Variants in AKTIP observed in about 807,000 individuals in gnomAD.
AKTIP encodes AKT interacting protein, also known as AKT-interacting protein.
In AKTIP, 16 loss-of-function variants were observed where a neutral mutation model predicts 39.1. The ratio of observed to expected loss-of-function variants is 0.41; its 90% CI spans 0.28 to 0.62. AKTIP has a LOEUF of 0.62. Ranked by LOEUF, AKTIP falls within the 20% of genes least tolerant of loss-of-function variation. The pLI is 0.32. For missense variants in AKTIP, 262 were observed against 356.6 expected (o/e 0.73, Z 2.14); for synonymous variants, 93 against 124.3 (o/e 0.75, Z 1.67).
At chr16:53,495,659 C>T (rs1289932073) in intron 3 of AKTIP, among the ~76,000 whole-genome samples, 2 of 152,176 alleles carry the variant, frequency 1.3e-5, no homozygotes, top group Non-Finnish European at 2.9e-5. Context: ...ATCTTGGAAA[C>T]CAGCCTATAG....
chr16:53,494,323 A>T lies in AKTIP; in HGVS notation c.602+16T>A. The stretch of plus-strand genomic sequence containing the variant: ...TCTTCAAATTTATTTTAAATAACAA[A>T]GCAAAAGTTACATACAGTACTGCAG... On this transcript the variant is annotated intron_variant, in intron 7 of 9. Transcript: ENST00000394657. 1 of 1,613,538 alleles carries T rather than the reference A, an allele frequency of 6.2e-7. No homozygotes were observed. Among genetic ancestry groups the T allele is most frequent in the Non-Finnish European group, 8.5e-7 (1 of 1,179,632 alleles).
At chr16:53,494,783 C>A in intron 5 of AKTIP, 178 bp from the exon 6 acceptor site, 1 of 722,636 alleles carries the variant, frequency 1.4e-6, no homozygotes. Flanking sequence ...CTAAATTTTG[C>A]AATGAAGCGG....
intron 1 of AKTIP, 150 bp from the exon 2 acceptor site, chr16:53,500,479 G>A (rs1210581317): frequency 4.9e-6 from 2 of 408,186 alleles, no homozygotes; most frequent in Non-Finnish European, 8.6e-6. Flanking sequence ...CTGGGTTCAA[G>A]CGATTCTCCT....
At chr16:53,496,646 AAC>A (rs926999438) in intron 3 of AKTIP, among the ~76,000 whole-genome samples, 2 of 152,112 alleles carry the variant, frequency 1.3e-5, no homozygotes, top group Admixed American at 6.5e-5. Flanking sequence ...CAGCCTAGCC[AAC>A]ATGGTGAAAT....
Position 53,491,932 on chromosome 16 carries a change from A to G in AKTIP, c.*480T>C, listed in dbSNP as rs770534841. The G allele has an allele frequency of 2.0e-5, 3 of 152,872 alleles. No individual in the cohort carries two copies. The highest frequency in any genetic ancestry group is 4.4e-5 in the Non-Finnish European group (3 of 68,284). The allele number at this position is 152,872 out of a possible 1,614,324, so 9.5% of individuals were successfully genotyped here. ...ATTTCAGTTTGTAAATCAGTAAGAC[A>G]GTGCAGGCTACAAATCAGTGCAGGC... On this transcript the variant is annotated 3_prime_UTR_variant, in exon 10 of 10. Transcript: ENST00000394657.
chr16:53,503,387 T>C (rs1962310015), upstream of AKTIP: 1 of 152,338 alleles, frequency 6.6e-6, no homozygotes, highest in Non-Finnish European at 1.5e-5. Context: ...AAGACGTTCT[T>C]CCGGGGGCGT....
chr16:53,502,143 C>T (rs1002229105), intron 1 of AKTIP, among the ~76,000 whole-genome samples: 1 of 152,176 alleles, frequency 6.6e-6, no homozygotes, highest in African/African-American at 2.4e-5. Flanking sequence ...AATTTTGTCC[C>T]CAGTTCTGCC....
chr16:53,503,521 G>A (rs921932497), upstream of AKTIP, among the ~76,000 whole-genome samples: 1 of 152,338 alleles, frequency 6.6e-6, no homozygotes, highest in East Asian at 1.9e-4. Flanking sequence ...CGGCCCCCCG[G>A]GGAGGGATGG....
chr16:53,501,381 G>A (rs1962161728), intron 1 of AKTIP: 2 of 152,144 alleles, frequency 1.3e-5, no homozygotes, highest in Admixed American at 1.3e-4. Flanking sequence ...TTCAAGTCGT[G>A]GATAAGAAAG....
chr16:53,503,977 G>C (rs1283184843), upstream of AKTIP, among the ~76,000 whole-genome samples: 1 of 151,864 alleles, frequency 6.6e-6, no homozygotes, highest in Non-Finnish European at 1.5e-5. Context: ...GCCGGGGGCT[G>C]GGGGGAGGGG....
Position 53,494,436 on chromosome 16 carries a change from G to A in AKTIP, c.505C>T (p.Arg169Trp). The change falls in exon 7 of 10, where the codon CGG (arginine) becomes TGG (tryptophan). Residue 169 changes from arginine to tryptophan, a missense_variant and splice_region_variant. By Grantham distance (101) the Arg-to-Trp change is moderately radical. This residue lies in a region of AKTIP where 145 missense variants were observed against 159.3 expected (regional missense o/e 0.91). Transcript: ENST00000394657. ...ACCTGCCAAATATGATTATGGTTCC[G>A]CCTAAAGGGAAACATGGCGTGATTA... ...DVKRAFAKWR[R>W]NHNHIWQVLM... 1.2e-6 allele frequency: 2 copies of A among 1,613,942 alleles called. No homozygotes were observed. The highest frequency in any genetic ancestry group is 2.2e-5 in the East Asian group (1 of 44,882).
chr16:53,494,207 A>T lies in AKTIP; in HGVS notation c.641T>A (p.Val214Asp), dbSNP rs767578006. The T allele has an allele frequency of 6.2e-7, 1 of 1,614,246 alleles. No individual in the cohort carries two copies. Among genetic ancestry groups the T allele is most frequent in the African/African-American group, 1.3e-5 (1 of 75,068 alleles). ...KDIQLFKSKV[V>D]DSVKVCTARL... is the part of the protein sequence containing the mutation. ...AGCAGTGCACACCTTAACACTGTCA[A>T]CAACTTTACTTTTAAAAAGCTGAAT... The change falls in exon 8 of 10, where the codon GTT becomes GAT. Residue 214 changes from valine to aspartate, a missense_variant. Around this residue, in one of 4 missense-constraint regions of AKTIP, gnomAD observed 145 missense variants for 159.3 expected, o/e 0.91. Coordinates refer to ENST00000394657, the MANE Select transcript of AKTIP (RefSeq NM_022476.4).
chr16:53,498,886 T>C (rs1238434357), intron 2 of AKTIP, among the ~76,000 whole-genome samples: 1 of 152,212 alleles, frequency 6.6e-6, no homozygotes, highest in Non-Finnish European at 1.5e-5. Flanking sequence ...GAAATGTTTT[T>C]TCCTAGTGGC....
chr16:53,492,820 G>T, intron 8 of AKTIP, 67 bp from the exon 9 acceptor site: 1 of 1,411,520 alleles, frequency 7.1e-7, no homozygotes, highest in Non-Finnish European at 9.9e-7. Flanking sequence ...CATTCATTTT[G>T]CAGTTTTAAG....
chr16:53,491,110 G>A lies in AKTIP; in HGVS notation c.*1302C>T, dbSNP rs1209881572. On this transcript the variant is annotated 3_prime_UTR_variant, in exon 10 of 10. Coordinates refer to ENST00000394657, the MANE Select transcript of AKTIP (RefSeq NM_022476.4). ...GTTAAAACCCCTATAGCCACCTTTTGGGAATGTTTTAAATTCTCCAGTTTT... is the reference window on the plus strand; with the variant it reads ...GTTAAAACCCCTATAGCCACCTTTTAGGAATGTTTTAAATTCTCCAGTTTT... The A allele has an allele frequency of 6.6e-6, 1 of 152,410 alleles. No individual in the cohort carries two copies. The highest frequency in any genetic ancestry group is 2.4e-5 in the African/African-American group (1 of 41,364). 9.4% of individuals were successfully genotyped at this position (152,410 alleles called of 1,614,324 possible). A position where few individuals can be genotyped will look rare whatever the true frequency, so the allele number is the denominator to read the frequency against.
chr16:53,495,088 T>C lies in AKTIP; in HGVS notation c.399A>G (p.Pro133=). The C allele has an allele frequency of 6.2e-7, 1 of 1,614,008 alleles. No individual in the cohort carries two copies. The highest frequency in any genetic ancestry group is 1.1e-5 in the South Asian group (1 of 91,084). Residue 133 remains proline, a synonymous_variant, in exon 5 of 10, where the codon CCA becomes CCG. Transcript: ENST00000394657. ...TCCAACTTACTGGACAGTCACCATC[T>C]GGATAGTTATCAGGGATGTAAACTG... ...KFTVYIPDNY[P]DGDCPRLVFD...
At chr16:53,499,654 G>C (rs939578890) in intron 2 of AKTIP, among the ~76,000 whole-genome samples, 4 of 151,982 alleles carry the variant, frequency 2.6e-5, no homozygotes, top group African/African-American at 9.6e-5. Context: ...TAGAGACGGG[G>C]TTTCACCATG....
upstream of AKTIP, among the ~76,000 whole-genome samples, chr16:53,503,724 T>A (rs1962325428): frequency 1.3e-5 from 2 of 152,144 alleles, no homozygotes; most frequent in East Asian, 1.9e-4. Context: ...CTCCCATCGC[T>A]AGGTCCTACT....
rs1224118879 is a variant in AKTIP, at chr16:53,492,466, T to C, written c.825A>G (p.Val275=). 3.1e-6 allele frequency: 5 copies of C among 1,613,638 alleles called. No individual in the cohort carries two copies. The highest frequency in any genetic ancestry group is 4.2e-6 in the Non-Finnish European group (5 of 1,180,022). Residue 275 remains valine (V), a synonymous_variant, in exon 10 of 10, where the codon GTA becomes GTG. Coordinates refer to ENST00000394657, the MANE Select transcript of AKTIP (RefSeq NM_022476.4). The part of the protein sequence containing the change: ...KSVHVAGLSW[V]KPGSVQPFSK... Reference sequence around the variant, plus strand: ...TGAAAGGCTGTACTGAGCCAGGCTTTACCCATGACAGGCCAGCAACATGAA... The same window carrying C: ...TGAAAGGCTGTACTGAGCCAGGCTTCACCCATGACAGGCCAGCAACATGAA...
Sources: allele counts gnomAD v4.1 joint callset (sites outside exome capture counted in the v4.1 genomes callset), GRCh38; gene constraint gnomAD v4.1.1; regional missense constraint gnomAD v4.1.1; transcripts MANE v1.5; gene names NCBI Gene and HGNC (gene_info 2026-07-23, HGNC 2026-07-21).